CNBD1: variants seen among roughly 807,000 people sequenced by gnomAD.
The protein encoded by CNBD1 is cyclic nucleotide binding domain containing 1, also known as cyclic nucleotide-binding domain-containing protein 1.
In CNBD1, 71 loss-of-function variants were observed where a neutral mutation model predicts 54.4. The ratio of observed to expected loss-of-function variants is 1.30; its 90% CI spans 1.08 to 1.59. The LOEUF (loss-of-function observed/expected upper bound fraction) is 1.59, where lower values mean the gene tolerates loss of function less well. Among genes scored for constraint, CNBD1 ranks in the 40% most tolerant of loss-of-function variants. The probability of loss-of-function intolerance (pLI) is 0.00; values close to 1 mark genes in which losing one functional copy is unlikely to be tolerated. For missense variants in CNBD1, 659 were observed against 518.0 expected, an observed-to-expected ratio of 1.27 and a Z score of -2.64; for synonymous variants, 182 against 170.7, an observed-to-expected ratio of 1.07 and a Z score of -0.51.
At chr8:87,415,431 G>A (rs111991301) in intron 2 of CNBD1, among the ~76,000 whole-genome samples, 11 of 152,136 alleles carry the variant, frequency 7.2e-5, no homozygotes, top group African/African-American at 2.6e-4. Context: ...TTAGGCTCCT[G>A]AAATTTTATC....
chr8:86,930,286 G>A (rs943071864), intron 3 of CNBD1, among the ~76,000 whole-genome samples: 10 of 152,154 alleles, frequency 6.6e-5, no homozygotes, highest in Admixed American at 1.3e-4. Flanking sequence ...TTGACTTGTT[G>A]TAGGCAGAGC....
At chr8:87,107,707 T>C (rs1488713443) in intron 4 of CNBD1, among the ~76,000 whole-genome samples, 1 of 145,822 alleles carries the variant, frequency 6.9e-6, no homozygotes, top group Non-Finnish European at 1.5e-5. Flanking sequence ...GAATTTCTTT[T>C]GTTAAAATCA....
At chr8:87,249,664 C>T (rs1392476055) in intron 6 of CNBD1, among the ~76,000 whole-genome samples, 1 of 152,088 alleles carries the variant, frequency 6.6e-6, no homozygotes, top group East Asian at 1.9e-4. Flanking sequence ...GATCTATGTG[C>T]ACTTTGCAGC....
intron 4 of CNBD1, among the ~76,000 whole-genome samples, chr8:87,197,277 C>T (rs572803541): frequency 2.6e-5 from 4 of 152,210 alleles, no homozygotes; most frequent in Non-Finnish European, 5.9e-5. Flanking sequence ...TGTGTGTAAA[C>T]GGTGTGCCTG....
chr8:87,371,880 CATA>C (rs1387329460), intron 10 of CNBD1, among the ~76,000 whole-genome samples: 7 of 151,908 alleles, frequency 4.6e-5, no homozygotes, highest in African/African-American at 1.7e-4. Context: ...CAGCCAATAT[CATA>C]CTGAATGGGC....
intron 10 of CNBD1, among the ~76,000 whole-genome samples, chr8:87,373,796 A>C (rs1470177202): frequency 6.6e-6 from 1 of 151,786 alleles, no homozygotes; most frequent in Non-Finnish European, 1.5e-5. Context: ...AGTTTATATA[A>C]AATTTCAGGC....
chr8:86,883,106 A>G (rs901652654), intron 1 of CNBD1, among the ~76,000 whole-genome samples: 6 of 152,184 alleles, frequency 3.9e-5, no homozygotes, highest in African/African-American at 1.4e-4. Context: ...AATAATGCAT[A>G]TAACAAACCA....
At chr8:87,379,912 A>G (rs1054138348) in intron 10 of CNBD1, among the ~76,000 whole-genome samples, 1 of 151,918 alleles carries the variant, frequency 6.6e-6, no homozygotes, top group African/African-American at 2.4e-5. Flanking sequence ...CACGAGAAAT[A>G]CTTAAATATG....
intron 4 of CNBD1, among the ~76,000 whole-genome samples, chr8:87,045,534 G>A (rs1379972389): frequency 6.6e-6 from 1 of 151,892 alleles, no homozygotes; most frequent in Non-Finnish European, 1.5e-5. Context: ...GACCATCCTG[G>A]CTAACATGGT....
chr8:87,368,053 T>A lies in CNBD1; in HGVS notation c.1303+14267T>A, dbSNP rs571673600. ...GATGTGCACCTGTAGTCGCAGCTAC[T>A]CAGGAGGCTGAGGCAGGAGAATTGC... On this transcript the variant is annotated intron_variant, in intron 10 of 10. Coordinates refer to ENST00000518476, the MANE Select transcript of CNBD1 (RefSeq NM_173538.3). Among the ~76,000 whole-genome samples, 23 of 152,076 alleles carry A rather than the reference T, an allele frequency of 1.5e-4. 1 individual carries two copies. The highest frequency in any genetic ancestry group is 6.8e-3 in the Middle Eastern group (2 of 294).
At chr8:87,025,817 A>G (rs760667789) in intron 4 of CNBD1, among the ~76,000 whole-genome samples, 6 of 152,152 alleles carry the variant, frequency 3.9e-5, no homozygotes, top group Non-Finnish European at 7.3e-5. Context: ...TAAGAACTGT[A>G]ATACTCACCA....
intron 6 of CNBD1, among the ~76,000 whole-genome samples, chr8:87,269,543 A>C (rs1171892950): frequency 6.6e-6 from 1 of 152,116 alleles, no homozygotes; most frequent in Non-Finnish European, 1.5e-5. Flanking sequence ...TATTCTTGCT[A>C]TCCACGAGCA....
chr8:86,978,246 G>A (rs964416475), intron 4 of CNBD1, among the ~76,000 whole-genome samples: 3 of 151,966 alleles, frequency 2.0e-5, no homozygotes, highest in Admixed American at 6.6e-5. Context: ...CATTAATCTC[G>A]TTTACAGAAA....
At chr8:87,330,129 A>C (rs887498094) in intron 8 of CNBD1, among the ~76,000 whole-genome samples, 1 of 151,616 alleles carries the variant, frequency 6.6e-6, no homozygotes, top group Non-Finnish European at 1.5e-5. Flanking sequence ...TTGTGGGCAT[A>C]ATTAGTCATA....
intron 1 of CNBD1, 118 bp from the exon 2 acceptor site, chr8:86,887,424 A>G (rs1808696829): frequency 3.1e-6 from 2 of 639,058 alleles, no homozygotes; most frequent in Non-Finnish European, 5.5e-6. Flanking sequence ...TTAATACCTC[A>G]CTTCCATAGT....
At chr8:87,032,134 G>T (rs113604118) in intron 4 of CNBD1, among the ~76,000 whole-genome samples, 2 of 152,274 alleles carry the variant, frequency 1.3e-5, no homozygotes, top group African/African-American at 2.4e-5. Context: ...CTTAATGGCT[G>T]CATACATTTA....
chr8:87,150,011 C>A (rs963673233), intron 4 of CNBD1, among the ~76,000 whole-genome samples: 1 of 151,554 alleles, frequency 6.6e-6, no homozygotes, highest in African/African-American at 2.4e-5. Context: ...ACGTCTTTAC[C>A]AAAAAAATAT....
At chr8:87,161,009 T>G (rs959389071) in intron 4 of CNBD1, among the ~76,000 whole-genome samples, 1 of 152,132 alleles carries the variant, frequency 6.6e-6, no homozygotes, top group African/African-American at 2.4e-5. Flanking sequence ...CAATGTTGTC[T>G]TCATTGTTAT....
In CNBD1 at chr8:87,382,776, G is replaced by A. The variant is rs1811107735; in HGVS notation, c.*149G>A. 1.5e-5 allele frequency: 7 copies of A among 478,188 alleles called. No homozygotes were observed. Among genetic ancestry groups the A allele is most frequent in the Middle Eastern group, 5.1e-4 (1 of 1,964 alleles). The allele number at this position is 478,188 out of a possible 1,614,324, so 29.6% of individuals were successfully genotyped here. On this transcript the variant is annotated 3_prime_UTR_variant, in exon 11 of 11. Coordinates refer to ENST00000518476, the MANE Select transcript of CNBD1 (RefSeq NM_173538.3). ...GATTCCCCAGGAAAGTCCCACTTTCGAATTGCCTTTCAAACACAGTTTTTA... is the reference window on the plus strand; with the variant it reads ...GATTCCCCAGGAAAGTCCCACTTTCAAATTGCCTTTCAAACACAGTTTTTA...
Sources: gnomAD v4.1 joint callset for allele counts (sites outside exome capture counted in the v4.1 genomes callset) on GRCh38, gnomAD v4.1.1 for gene constraint, MANE v1.5 for transcripts, NCBI Gene and HGNC (gene_info 2026-07-23, HGNC 2026-07-21) for gene names.